Variants in C6 observed in about 807,000 individuals in gnomAD.
The protein encoded by C6 is complement C6, also known as complement component C6.
In C6, 101 loss-of-function variants were observed where a neutral mutation model predicts 112.9. That is an observed-to-expected ratio of 0.89 (90% CI 0.76 to 1.06). The LOEUF is 1.06. C6 is among the 50% of genes least tolerant of loss of function. The pLI, the probability that C6 is intolerant of heterozygous loss-of-function variation, is 0.00. For missense variants in C6, 1,202 were observed against 1,104.6 expected (o/e 1.09, Z -1.25); for synonymous variants, 431 against 384.1 (o/e 1.12, Z -1.43).
At chr5:41,228,756 A>G (rs1428244675) in intron 1 of C6, among the ~76,000 whole-genome samples, 1 of 152,158 alleles carries the variant, frequency 6.6e-6, no homozygotes, top group East Asian at 1.9e-4. Context: ...CATTTATTGT[A>G]CATTTATTAA....
At chr5:41,151,200 G>A (rs573342927) in intron 15 of C6, among the ~76,000 whole-genome samples, 6 of 152,298 alleles carry the variant, frequency 3.9e-5, no homozygotes, top group Admixed American at 6.5e-5. Flanking sequence ...GGGCTCCAGG[G>A]AGCTAATCTA....
intron 7 of C6, among the ~76,000 whole-genome samples, chr5:41,177,220 T>G (rs1186120839): frequency 1.3e-5 from 2 of 152,166 alleles, no homozygotes; most frequent in Non-Finnish European, 2.9e-5. Flanking sequence ...GATGAGGGCT[T>G]GCACCTGGTA....
At chr5:41,248,446 G>A (rs770353294) in intron 1 of C6, among the ~76,000 whole-genome samples, 4 of 152,150 alleles carry the variant, frequency 2.6e-5, no homozygotes, top group Non-Finnish European at 4.4e-5. Flanking sequence ...GTAATATCCA[G>A]AATCCATTAG....
chr5:41,187,861 C>T (rs1487283765), intron 5 of C6, among the ~76,000 whole-genome samples: 2 of 152,046 alleles, frequency 1.3e-5, no homozygotes, highest in Non-Finnish European at 2.9e-5. Flanking sequence ...ACTATCTCTC[C>T]CATTTTTTCC....
chr5:41,220,447 C>T (rs547354688), intron 1 of C6, among the ~76,000 whole-genome samples: 2 of 152,246 alleles, frequency 1.3e-5, no homozygotes, highest in Non-Finnish European at 2.9e-5. Flanking sequence ...TCCCTAGCTC[C>T]CTCAAACCAT....
intron 1 of C6, among the ~76,000 whole-genome samples, chr5:41,260,496 G>A (rs976476707): frequency 6.8e-6 from 1 of 146,376 alleles, no homozygotes; most frequent in African/African-American, 2.6e-5. Context: ...AACTGCTGGC[G>A]CAGTGGCTCA....
chr5:41,172,065 C>T (rs1266889162), intron 9 of C6, among the ~76,000 whole-genome samples, 160 bp downstream of exon 9: 1 of 152,092 alleles, frequency 6.6e-6, no homozygotes, highest in Non-Finnish European at 1.5e-5. Flanking sequence ...AATGCTAATG[C>T]TATTTTATTT....
intron 1 of C6, among the ~76,000 whole-genome samples, chr5:41,240,743 T>C (rs893532595): frequency 3.9e-5 from 6 of 152,074 alleles, no homozygotes; most frequent in Admixed American, 6.5e-5. Context: ...GGGCCTCTGG[T>C]GGTGCACACA....
chr5:41,180,228 C>T (rs1450287132), intron 7 of C6, among the ~76,000 whole-genome samples: 1 of 152,150 alleles, frequency 6.6e-6, no homozygotes, highest in African/African-American at 2.4e-5. Context: ...ATGGTGGCCT[C>T]CAGTTGCTGA....
chr5:41,180,297 G>A (rs1423874589), intron 7 of C6, among the ~76,000 whole-genome samples: 5 of 152,056 alleles, frequency 3.3e-5, no homozygotes, highest in Non-Finnish European at 5.9e-5. Flanking sequence ...CATGATTCAG[G>A]GCTCATTCTC....
intron 1 of C6, among the ~76,000 whole-genome samples, chr5:41,254,038 G>A (rs1468224061): frequency 6.6e-5 from 10 of 152,088 alleles, no homozygotes; most frequent in Non-Finnish European, 1.2e-4. Flanking sequence ...ATGTTTCTAG[G>A]AATAACTTAT....
Position 41,180,062 on chromosome 5 carries a change from G to A in C6, c.927+1297C>T, listed in dbSNP as rs557264266. ...ATCTGCAAAATGATGTTTAAATATT[G>A]ACTCTGATAATCTCTTAGAATTGTT... On this transcript the variant is annotated intron_variant, in intron 7 of 17. Coordinates refer to ENST00000337836, the MANE Select transcript of C6 (RefSeq NM_000065.5). Among the ~76,000 whole-genome samples, 12 of 152,228 alleles carry A rather than the reference G, an allele frequency of 7.9e-5. No homozygotes were observed. The South Asian group carries it at 2.3e-3, about 29-fold the overall frequency.
At chr5:41,154,935 T>C in intron 14 of C6, 37 bp downstream of exon 14, 1 of 1,607,984 alleles carries the variant, frequency 6.2e-7, no homozygotes, top group Non-Finnish European at 8.5e-7. Context: ...ATTCATTCTG[T>C]AAAGTAGTCA....
intron 1 of C6, among the ~76,000 whole-genome samples, chr5:41,260,251 A>T (rs148433447): frequency 6.6e-6 from 1 of 151,820 alleles, no homozygotes; most frequent in Non-Finnish European, 1.5e-5. Flanking sequence ...GGTAACTTGA[A>T]CACACACACA....
At chr5:41,170,713 T>A (rs1318918757) in intron 9 of C6, among the ~76,000 whole-genome samples, 1 of 152,082 alleles carries the variant, frequency 6.6e-6, no homozygotes, top group Non-Finnish European at 1.5e-5. Flanking sequence ...ATTATTATAG[T>A]AAATATTATA....
rs1205678611 is a variant in C6, at chr5:41,234,343, T to TG, written c.-21+26850_-21+26851insC. ...CTTTGTTATTCTACCCTTTCGTTTT[T>TG]TTTTTTGTTTTTTGTTTTTTGTTTT... On this transcript the variant is annotated intron_variant, in intron 1 of 17. Coordinates refer to the C6 transcript ENST00000263413. 3.4e-5 allele frequency among the ~76,000 whole-genome samples: 5 copies of TG among 147,558 alleles called. No individual in the cohort carries two copies. The East Asian group carries it at 7.8e-4, about 23-fold the overall frequency.
At chr5:41,211,658 C>CA (rs1187272123) in intron 1 of C6, among the ~76,000 whole-genome samples, 1 of 152,222 alleles carries the variant, frequency 6.6e-6, no homozygotes, top group African/African-American at 2.4e-5. Context: ...CCTTGCCCCC[C>CA]ACTGCCAAAA....
Position 41,158,640 on chromosome 5 carries a change from A to C in C6, c.1968+34T>G, listed in dbSNP as rs143881081. The C allele has an allele frequency of 1.2e-3, 1,496 of 1,240,314 alleles. 9 individuals carry two copies. In the African/African-American group the frequency reaches 0.015, roughly 13 times the overall value. The allele number at this position is 1,240,314 out of a possible 1,614,324, so 76.8% of individuals were successfully genotyped here. ...AGCTATACTTTTCGAGGTTTTTAAA[A>C]CTACAAACCAAAAGTGAGGTTTAGG... On this transcript the variant is annotated intron_variant, in intron 13 of 17. Coordinates refer to ENST00000337836, the MANE Select transcript of C6 (RefSeq NM_000065.5).
rs776129858 is a variant in C6 at position 41,186,098 on chromosome 5, G to A, written c.698C>T (p.Pro233Leu). The A allele has an allele frequency of 3.0e-5, 49 of 1,613,790 alleles. 1 individual carries two copies. Among genetic ancestry groups the A allele is most frequent in the South Asian group, 1.3e-4 (12 of 91,076 alleles). The change falls in exon 6 of 18, where the codon CCG becomes CTG. Residue 233 changes from proline to leucine, a missense_variant. Pro to Leu is a moderately conservative substitution (Grantham distance 98). Transcript: ENST00000337836. ...AAAGCCGACATTTTCCAGATTGGCC[G>A]GAACACGGTATGGATTACTTGTCCT... ...SSRTSNPYRV[P>L]ANLENVGFEV...
Sources: allele counts gnomAD v4.1 joint callset (sites outside exome capture counted in the v4.1 genomes callset), GRCh38; gene constraint gnomAD v4.1.1; transcripts MANE v1.5; gene names NCBI Gene and HGNC (gene_info 2026-07-23, HGNC 2026-07-21).